The following SCML4 variants were observed in gnomAD, a reference collection of about 807,000 sequenced individuals.
SCML4 encodes sex comb on midleg-like protein 4.
SCML4 carries 34 observed loss-of-function variants against 41.1 expected under a neutral mutation model. The ratio of observed to expected loss-of-function variants is 0.83; its 90% CI spans 0.63 to 1.10. The LOEUF (loss-of-function observed/expected upper bound fraction) is 1.10, where lower values mean the gene tolerates loss of function less well. Ranked by LOEUF, SCML4 falls within the 50% of genes least tolerant of loss-of-function variation. The pLI, the probability that SCML4 is intolerant of heterozygous loss-of-function variation, is 0.00. For synonymous variants in SCML4, 214 were observed against 220.9 expected, an observed-to-expected ratio of 0.97 and a Z score of 0.28; for missense variants, 522 against 534.1, an observed-to-expected ratio of 0.98 and a Z score of 0.22.
intron 1 of SCML4, among the ~76,000 whole-genome samples, chr6:107,810,071 G>A (rs1459768471): frequency 6.6e-6 from 1 of 152,318 alleles, no homozygotes; most frequent in South Asian, 2.1e-4. Context: ...CTCGTGAGCA[G>A]ATAGAGAAGA....
chr6:107,776,465 G>A (rs1780957514), intron 1 of SCML4, among the ~76,000 whole-genome samples: 2 of 150,412 alleles, frequency 1.3e-5, no homozygotes, highest in African/African-American at 4.9e-5. Context: ...GGAAAGAGGT[G>A]AATTATTACA....
chr6:107,752,558 G>A (rs1277487312), intron 2 of SCML4, among the ~76,000 whole-genome samples: 2 of 152,134 alleles, frequency 1.3e-5, no homozygotes, highest in Non-Finnish European at 2.9e-5. Context: ...TCAGGTAAGA[G>A]CACCCAATGG....
intron 2 of SCML4, among the ~76,000 whole-genome samples, chr6:107,756,748 A>C (rs963788788): frequency 3.3e-5 from 5 of 152,216 alleles, no homozygotes; most frequent in African/African-American, 7.2e-5. Flanking sequence ...ATACTTCTGT[A>C]AACTGAAAAC....
chr6:107,829,092 A>G (rs1405138897), upstream of SCML4, among the ~76,000 whole-genome samples: 1 of 152,266 alleles, frequency 6.6e-6, no homozygotes, highest in African/African-American at 2.4e-5. Flanking sequence ...CTAATGATTT[A>G]CAAAATATAA....
At chr6:107,749,287 T>C (rs1369117397) in intron 3 of SCML4, among the ~76,000 whole-genome samples, 1 of 151,982 alleles carries the variant, frequency 6.6e-6, no homozygotes. Context: ...TGAGGGCGAA[T>C]GGGATCCTTA....
In SCML4 at chr6:107,702,518, C is replaced by A. The variant is rs1441478608; in HGVS notation, c.*2682G>T. 6.6e-6 allele frequency among the ~76,000 whole-genome samples: 1 copy of A among 152,082 alleles called. No individual in the cohort carries two copies. The highest frequency in any genetic ancestry group is 2.4e-5 in the African/African-American group (1 of 41,392). On this transcript the variant is annotated 3_prime_UTR_variant, in exon 8 of 8. Coordinates refer to ENST00000369020, the MANE Select transcript of SCML4 (RefSeq NM_198081.5). Reference sequence around the variant, plus strand: ...GAGGTATCTGTTGATGGAAGAGGTACCACAAGTATCGGAAGATTGAGAAAA... The same window carrying A: ...GAGGTATCTGTTGATGGAAGAGGTAACACAAGTATCGGAAGATTGAGAAAA...
intron 2 of SCML4, among the ~76,000 whole-genome samples, chr6:107,770,411 C>T (rs953752167): frequency 6.6e-6 from 1 of 152,100 alleles, no homozygotes; most frequent in South Asian, 2.1e-4. Flanking sequence ...AGAATGGCAC[C>T]CGGTTTGGAA....
intron 2 of SCML4, among the ~76,000 whole-genome samples, chr6:107,769,659 T>A (rs1171379424): frequency 6.6e-6 from 1 of 152,194 alleles, no homozygotes; most frequent in Non-Finnish European, 1.5e-5. Flanking sequence ...ATTATAATAA[T>A]GTTATTATTG....
chr6:107,772,143 C>T, intron 2 of SCML4, 29 bp downstream of exon 2: 1 of 1,533,488 alleles, frequency 6.5e-7, no homozygotes, highest in Non-Finnish European at 8.8e-7. Flanking sequence ...CCCAATACCA[C>T]TTTGGAGAAG....
At chr6:107,753,131 A>G (rs988391360) in intron 2 of SCML4, among the ~76,000 whole-genome samples, 11 of 152,222 alleles carry the variant, frequency 7.2e-5, no homozygotes, top group African/African-American at 2.7e-4. Context: ...AGATACTATT[A>G]AAAAATACAA....
chr6:107,842,188 GA>G, the SCML4 span, among the ~76,000 whole-genome samples: 1 of 152,042 alleles, frequency 6.6e-6, no homozygotes, highest in African/African-American at 2.4e-5. Flanking sequence ...GGATTATATG[GA>G]AGTGTGTTGT....
rs905252903 is a variant in SCML4, at chr6:107,704,632, T to C, written c.*568A>G. 4 of 157,426 alleles carry C rather than the reference T, an allele frequency of 2.5e-5. No individual in the cohort carries two copies. The highest frequency in any genetic ancestry group is 5.5e-5 in the Non-Finnish European group (4 of 72,286). The allele number at this position is 157,426 out of a possible 1,614,324, so 9.8% of individuals were successfully genotyped here. A position where few individuals can be genotyped will look rare whatever the true frequency, so the allele number is the denominator to read the frequency against. ...GAGAAACACAGTACTTCAGATTTTC[T>C]AGGAACAGAAAAGATTTTTTTTTTT... is the stretch of plus-strand genomic sequence containing the variant. On this transcript the variant is annotated 3_prime_UTR_variant, in exon 8 of 8. Transcript: ENST00000369020.
intron 1 of SCML4, among the ~76,000 whole-genome samples, chr6:107,814,770 C>G (rs1436907847): frequency 6.6e-6 from 1 of 152,216 alleles, no homozygotes; most frequent in East Asian, 1.9e-4. Flanking sequence ...CCAGGCTGGT[C>G]TCGAGCTCTT....
intron 2 of SCML4, among the ~76,000 whole-genome samples, chr6:107,766,860 C>T (rs1780089410): frequency 6.6e-6 from 1 of 152,112 alleles, no homozygotes; most frequent in Non-Finnish European, 1.5e-5. Flanking sequence ...AGGTAGCAAT[C>T]CATACCTACC....
chr6:107,838,496 T>C, the SCML4 span, among the ~76,000 whole-genome samples: 69 of 152,310 alleles, frequency 4.5e-4, no homozygotes, highest in African/African-American at 1.6e-3. Context: ...GAAGGCTTGA[T>C]TCAGGAGTGT....
rs184505614 is a variant in SCML4, at chr6:107,772,308, G to A, written c.20C>T (p.Pro7Leu). The change falls in exon 2 of 8, where the codon CCG becomes CTG. Residue 7 changes from proline to leucine, a missense_variant. Transcript: ENST00000369020. MQSQRI[P>L]GRKRGRPSLH... ...TGAGGGTCGGCCTCGCTTTCTCCCC[G>A]GGATCCTTTGAGACTGCATTTCTGC... 113 of 1,551,252 alleles carry A rather than the reference G, an allele frequency of 7.3e-5. No individual in the cohort carries two copies. Among genetic ancestry groups the A allele is most frequent in the African/African-American group, 1.1e-4 (8 of 73,114 alleles).
chr6:107,717,162 A>C (rs1296094525), intron 6 of SCML4, among the ~76,000 whole-genome samples: 1 of 146,522 alleles, frequency 6.8e-6, no homozygotes, highest in African/African-American at 2.5e-5. Flanking sequence ...AAAAAAAAAA[A>C]AAAAAAAAAA....
At chr6:107,753,437 A>T (rs914177110) in intron 2 of SCML4, among the ~76,000 whole-genome samples, 2 of 152,206 alleles carry the variant, frequency 1.3e-5, no homozygotes, top group Admixed American at 1.3e-4. Flanking sequence ...AGAGACAGGA[A>T]GTAGAATGGT....
At chr6:107,828,670 C>A (rs1042117917), upstream of SCML4, among the ~76,000 whole-genome samples, 2 of 152,188 alleles carry the variant, frequency 1.3e-5, no homozygotes, top group Non-Finnish European at 2.9e-5. Flanking sequence ...AGCTTCCCTT[C>A]CACATCATTC....
Sources: gnomAD v4.1 joint callset for allele counts (sites outside exome capture counted in the v4.1 genomes callset) on GRCh38, gnomAD v4.1.1 for gene constraint, MANE v1.5 for transcripts, NCBI Gene and HGNC (gene_info 2026-07-23, HGNC 2026-07-21) for gene names.